Variants in LAMC1 observed in about 807,000 individuals in gnomAD.
LAMC1 encodes the protein laminin subunit gamma 1.
LAMC1 carries 38 observed loss-of-function variants against 173.6 expected under a neutral mutation model. That is an observed-to-expected ratio of 0.22 (90% CI 0.17 to 0.29). The LOEUF is 0.29. Among genes scored for constraint, LAMC1 ranks in the 10% least tolerant of loss-of-function variants. LAMC1 has a pLI of 1.00. For synonymous variants in LAMC1, 746 were observed against 749.1 expected, an observed-to-expected ratio of 1.00 and a Z score of 0.07; for missense variants, 1,824 against 2,051.8, an observed-to-expected ratio of 0.89 and a Z score of 2.14.
Position 183,128,706 on chromosome 1 carries a change from A to G in LAMC1, c.3236A>G (p.Glu1079Gly). ...TTCGAGGATAGACTAAAGGAAGCAG[A>G]GAGGGAAGTTATGGACCTCCTTCGT... The part of the protein sequence containing the change: ...QAFEDRLKEA[E>G]REVMDLLREA... Residue 1079 changes from glutamate (E) to glycine (G), a missense_variant, in exon 18 of 28, where the codon GAG becomes GGG. By Grantham distance (98) the Glu-to-Gly change is moderately conservative (BLOSUM62 -2). Transcript: ENST00000258341. 6.2e-7 allele frequency: 1 copy of G among 1,613,578 alleles called. No homozygotes were observed. Among genetic ancestry groups the G allele is most frequent in the South Asian group, 1.1e-5 (1 of 91,004 alleles).
intron 1 of LAMC1, among the ~76,000 whole-genome samples, chr1:183,051,128 G>A (rs1250040025): frequency 2.0e-5 from 3 of 152,084 alleles, no homozygotes; most frequent in African/African-American, 4.8e-5. Flanking sequence ...TGATTGTTAT[G>A]ATGGATTAAA....
At chr1:183,100,739 C>T (rs1253107704) in intron 1 of LAMC1, among the ~76,000 whole-genome samples, 1 of 152,150 alleles carries the variant, frequency 6.6e-6, no homozygotes, top group African/African-American at 2.4e-5. Context: ...CTGTATGCGC[C>T]GTTGGGTTGA....
intron 22 of LAMC1, 67 bp from the exon 23 acceptor site, chr1:183,134,593 T>C (rs1403499798): frequency 3.8e-6 from 5 of 1,329,746 alleles, no homozygotes; most frequent in Middle Eastern, 2.0e-4. Flanking sequence ...ACAGAGTTCC[T>C]AAGCCTACCT....
intron 2 of LAMC1, among the ~76,000 whole-genome samples, chr1:183,104,171 A>C (rs1261212824): frequency 1.3e-5 from 2 of 152,220 alleles, no homozygotes; most frequent in Non-Finnish European, 2.9e-5. Context: ...GAAACTCCTC[A>C]TCACCTAAAA....
rs531248216 is a variant in LAMC1 at position 183,133,945 on chromosome 1, A to G, written c.3849+395A>G. On this transcript the variant is annotated intron_variant, in intron 22 of 27. Transcript: ENST00000258341. ...TAGTGCAAATCCAAATTATAATAAT[A>G]CATTTGAATTGCTTAAAGCAGAGTA... is the stretch of plus-strand genomic sequence containing the variant. Among the ~76,000 whole-genome samples, 6 of 152,396 alleles carry G rather than the reference A, an allele frequency of 3.9e-5. No homozygotes were observed. In the East Asian group the frequency reaches 1.2e-3, roughly 29 times the overall value.
chr1:183,040,481 C>A (rs966605479), intron 1 of LAMC1, among the ~76,000 whole-genome samples: 3 of 152,100 alleles, frequency 2.0e-5, no homozygotes, highest in Non-Finnish European at 4.4e-5. Flanking sequence ...AGCTTACAAA[C>A]AAGTTGGTTT....
intron 1 of LAMC1, among the ~76,000 whole-genome samples, chr1:183,075,851 G>A (rs934102554): frequency 6.6e-6 from 1 of 152,190 alleles, no homozygotes; most frequent in Non-Finnish European, 1.5e-5. Flanking sequence ...CATATTCTGG[G>A]AGAGTTTTTA....
Position 183,103,506 on chromosome 1 carries a change from C to T in LAMC1, c.597C>T (p.Asp199=), listed in dbSNP as rs140049059. ...ANRGFIRTGG[D]EQQALCTDEF... is the part of the protein sequence containing the mutation. ...GCGGCTTCATCAGGACAGGAGGGGA[C>T]GAGCAGCAGGCCTTGTGTACTGATG... Residue 199 remains aspartate (D), a synonymous_variant, in exon 2 of 28, where the codon GAC becomes GAT. Coordinates refer to ENST00000258341, the MANE Select transcript of LAMC1 (RefSeq NM_002293.4). 9.5e-5 allele frequency: 154 copies of T among 1,614,176 alleles called. No homozygotes were observed. The African/African-American group carries it at 1.7e-3, about 17-fold the overall frequency.
At chr1:183,076,043 A>G (rs980277203) in intron 1 of LAMC1, among the ~76,000 whole-genome samples, 14 of 152,332 alleles carry the variant, frequency 9.2e-5, no homozygotes, top group Middle Eastern at 3.4e-3. Context: ...TGTCTGGTCA[A>G]TTTCTCTAAA....
At chr1:183,130,184 G>A (rs1435190580) in intron 18 of LAMC1, among the ~76,000 whole-genome samples, 160 bp from the exon 19 acceptor site, 1 of 152,184 alleles carries the variant, frequency 6.6e-6, no homozygotes, top group African/African-American at 2.4e-5. Flanking sequence ...GACCTACTGG[G>A]TGTGGTAAAG....
At chr1:183,069,617 A>G (rs185301641) in intron 1 of LAMC1, among the ~76,000 whole-genome samples, 21 of 152,346 alleles carry the variant, frequency 1.4e-4, no homozygotes, top group African/African-American at 5.0e-4. Context: ...TCCTTCTTGT[A>G]GCATCCAACC....
At chr1:183,111,325 G>C (rs866152194) in intron 4 of LAMC1, among the ~76,000 whole-genome samples, 1 of 152,110 alleles carries the variant, frequency 6.6e-6, no homozygotes, top group African/African-American at 2.4e-5. Flanking sequence ...GACCTCAGGT[G>C]ATCCACCTGC....
At chr1:183,027,783 AGTGT>A (rs2102004184) in intron 1 of LAMC1, among the ~76,000 whole-genome samples, 1 of 152,286 alleles carries the variant, frequency 6.6e-6, no homozygotes, top group African/African-American at 2.4e-5. Flanking sequence ...TCCTCTGCTG[AGTGT>A]GTATGTATTT....
intron 1 of LAMC1, among the ~76,000 whole-genome samples, chr1:183,079,369 C>G (rs1044024267): frequency 6.6e-6 from 1 of 151,000 alleles, no homozygotes; most frequent in African/African-American, 2.4e-5. Context: ...ATTCTCCTGC[C>G]TCAGCCTCCC....
At chr1:183,029,230 A>T (rs1653781533) in intron 1 of LAMC1, among the ~76,000 whole-genome samples, 1 of 152,114 alleles carries the variant, frequency 6.6e-6, no homozygotes, top group African/African-American at 2.4e-5. Flanking sequence ...TACCTTCTAT[A>T]TCCAGACACT....
intron 3 of LAMC1, among the ~76,000 whole-genome samples, chr1:183,109,879 A>G (rs1656094833): frequency 6.6e-6 from 1 of 152,210 alleles, no homozygotes; most frequent in Admixed American, 6.5e-5. Context: ...CTCAGGGGAT[A>G]TTAGTCTGAC....
At position 183,128,939 on chromosome 1, in the gene LAMC1, C is replaced by T. The variant is rs866121300; in HGVS notation, c.3280+189C>T. ...CTGACAAATTTACTGCTTTAAGCTA[C>T]AGTAAGCATAGGGTGATTTTCCAAC... On this transcript the variant is annotated intron_variant, in intron 18 of 27. Coordinates refer to ENST00000258341, the MANE Select transcript of LAMC1 (RefSeq NM_002293.4). The T allele has an allele frequency of 8.2e-6, 3 of 367,290 alleles. No individual in the cohort carries two copies. The Admixed American group carries it at 1.2e-4, about 15-fold the overall frequency. The allele number at this position is 367,290 out of a possible 1,614,324, so 22.8% of individuals were successfully genotyped here. A position where few individuals can be genotyped will look rare whatever the true frequency, so the allele number is the denominator to read the frequency against.
intron 1 of LAMC1, among the ~76,000 whole-genome samples, chr1:183,049,551 C>T (rs1244210581): frequency 6.6e-6 from 1 of 151,754 alleles, no homozygotes; most frequent in African/African-American, 2.4e-5. Context: ...GCAACCTCCG[C>T]TTCCCGGGTT....
intron 1 of LAMC1, among the ~76,000 whole-genome samples, chr1:183,046,650 G>A (rs1484992473): frequency 6.6e-6 from 1 of 151,850 alleles, no homozygotes; most frequent in African/African-American, 2.4e-5. Flanking sequence ...TTTTTTGTGT[G>A]TGTTGACCTT....
Sources: allele counts gnomAD v4.1 joint callset (sites outside exome capture counted in the v4.1 genomes callset), GRCh38; gene constraint gnomAD v4.1.1; transcripts MANE v1.5; gene names NCBI Gene and HGNC (gene_info 2026-07-23, HGNC 2026-07-21).